ARHGAP35: variants seen among roughly 807,000 people sequenced by gnomAD.
The protein encoded by ARHGAP35 is Rho GTPase activating protein 35, also known as rho GTPase-activating protein 35.
A neutral mutation model predicts 111.1 loss-of-function variants in ARHGAP35; 15 were observed. That is an observed-to-expected ratio of 0.13 (90% confidence interval 0.09 to 0.21). ARHGAP35 has a LOEUF of 0.21. Ranked by LOEUF, ARHGAP35 falls within the 10% of genes least tolerant of loss-of-function variation. The pLI is 1.00. For synonymous variants in ARHGAP35, 643 were observed against 710.3 expected (o/e 0.91, Z 1.51); for missense variants, 1,262 against 1,873.0 (o/e 0.67, Z 6.02).
At chr19:46,905,979 T>G (rs2056105523) in intron 1 of ARHGAP35, among the ~76,000 whole-genome samples, 1 of 151,242 alleles carries the variant, frequency 6.6e-6, no homozygotes, top group African/African-American at 2.4e-5. Flanking sequence ...CCACCGTGCC[T>G]GGCCACATTT....
chr19:46,874,232 C>T (rs1284652648), intron 1 of ARHGAP35, among the ~76,000 whole-genome samples: 1 of 152,144 alleles, frequency 6.6e-6, no homozygotes, highest in African/African-American at 2.4e-5. Flanking sequence ...AAACATGCCT[C>T]TTCCTCTCTG....
intron 3 of ARHGAP35, among the ~76,000 whole-genome samples, chr19:46,966,825 G>A (rs948989444): frequency 3.3e-5 from 5 of 152,210 alleles, no homozygotes; most frequent in African/African-American, 9.6e-5. Flanking sequence ...ACATCAAAGA[G>A]AAAATTAATA....
At chr19:46,895,195 G>T (rs533962010) in intron 1 of ARHGAP35, among the ~76,000 whole-genome samples, 1 of 147,256 alleles carries the variant, frequency 6.8e-6, no homozygotes, top group South Asian at 2.1e-4. Context: ...ACGGAGTCTC[G>T]CTCTGTCACC....
intron 1 of ARHGAP35, among the ~76,000 whole-genome samples, chr19:46,910,118 T>G (rs1457814742): frequency 6.6e-6 from 1 of 151,912 alleles, no homozygotes; most frequent in Admixed American, 6.6e-5. Context: ...GGTAAAAGAT[T>G]ATTATTATTA....
At chr19:46,948,388 A>T (rs921332862) in intron 3 of ARHGAP35, 2 of 152,264 alleles carry the variant, frequency 1.3e-5, no homozygotes, top group Non-Finnish European at 2.9e-5. Flanking sequence ...AAGGAAAAAA[A>T]GCTAAACATA....
intron 1 of ARHGAP35, among the ~76,000 whole-genome samples, chr19:46,889,991 A>T (rs778289841): frequency 3.2e-4 from 48 of 152,220 alleles, no homozygotes; most frequent in Non-Finnish European, 6.2e-4. Context: ...TGATGCTTTC[A>T]GAATGAGTAT....
rs1441599914 is a variant in ARHGAP35, at chr19:46,986,651, T to C, written c.3827-1338T>C. Among the ~76,000 whole-genome samples the C allele has an allele frequency of 1.3e-5, 2 of 152,186 alleles. No individual in the cohort carries two copies. The highest frequency in any genetic ancestry group is 3.8e-4 in the East Asian group (2 of 5,206). On this transcript the variant is annotated intron_variant, in intron 3 of 6. Transcript: ENST00000672722. This position sits in a 1 kb window ranked among gnomAD's most constrained non-coding sequence, Gnocchi z 4.3. ...AACAAAAAGGAAAAATGTAAACATATATAACGTTGATATAATTACTTAATA... is the reference window on the plus strand; with the variant it reads ...AACAAAAAGGAAAAATGTAAACATACATAACGTTGATATAATTACTTAATA...
At chr19:46,964,671 A>C (rs2056502855) in intron 3 of ARHGAP35, among the ~76,000 whole-genome samples, 2 of 152,206 alleles carry the variant, frequency 1.3e-5, no homozygotes, top group Non-Finnish European at 2.9e-5. Context: ...TGAATGTGGG[A>C]TAATATTTGC....
chr19:46,894,910 A>C (rs568669671), intron 1 of ARHGAP35, among the ~76,000 whole-genome samples: 2 of 152,266 alleles, frequency 1.3e-5, no homozygotes, highest in Middle Eastern at 6.8e-3. Flanking sequence ...ATTCCTTTAA[A>C]TTTGAGACTG....
chr19:46,920,079 G>A lies in ARHGAP35; in HGVS notation c.1404G>A (p.Leu468=). Residue 468 remains leucine (L), a synonymous_variant, in exon 2 of 7, where the codon CTG becomes CTA. Coordinates refer to ENST00000672722, the MANE Select transcript of ARHGAP35 (RefSeq NM_004491.5). This position sits in a 1 kb window ranked among gnomAD's most constrained non-coding sequence, Gnocchi z 7.0. The stretch of plus-strand genomic sequence containing the variant: ...TGAATGAGGATTTCTACCAGTGGCT[G>A]GAGGAATCTGTATACATGGATATTT... ...FIMNEDFYQW[L]EESVYMDIYG... is the part of the protein sequence containing the mutation. 6.2e-7 allele frequency: 1 copy of A among 1,613,710 alleles called. No homozygotes were observed. Among genetic ancestry groups the A allele is most frequent in the Non-Finnish European group, 8.5e-7 (1 of 1,179,812 alleles).
At chr19:46,930,385 C>G (rs181889316) in intron 2 of ARHGAP35, among the ~76,000 whole-genome samples, 35 of 149,828 alleles carry the variant, frequency 2.3e-4, no homozygotes, top group African/African-American at 8.1e-4. Flanking sequence ...AAACCGAGTT[C>G]CGATGCCTGG....
intron 1 of ARHGAP35, among the ~76,000 whole-genome samples, chr19:46,883,659 A>G (rs1484350067): frequency 1.3e-5 from 2 of 152,210 alleles, no homozygotes; most frequent in Non-Finnish European, 2.9e-5. Context: ...CTGTTGGAAA[A>G]ATGATGCTGA....
At chr19:46,970,548 T>A (rs2056540714) in intron 3 of ARHGAP35, among the ~76,000 whole-genome samples, 2 of 152,106 alleles carry the variant, frequency 1.3e-5, no homozygotes, top group African/African-American at 2.4e-5. Context: ...ACTTGCCCTG[T>A]GGATGGTGCA....
intron 1 of ARHGAP35, among the ~76,000 whole-genome samples, chr19:46,877,960 G>A (rs1423975105): frequency 1.3e-5 from 2 of 151,846 alleles, no homozygotes; most frequent in East Asian, 1.9e-4. Flanking sequence ...CACCTGCCTC[G>A]GCCTCCCAAA....
At chr19:46,873,130 G>T (rs1203118600) in intron 1 of ARHGAP35, among the ~76,000 whole-genome samples, 1 of 152,060 alleles carries the variant, frequency 6.6e-6, no homozygotes, top group African/African-American at 2.4e-5. Flanking sequence ...TTCTCTGGCC[G>T]ACTTTACAGT....
chr19:46,897,447 C>CTT lies in ARHGAP35; in HGVS notation c.-188-21027_-188-21026dup, dbSNP rs397749963. Reference sequence around the variant, plus strand: ...CTTGAAGGTAGTGGGTTTATTTTGTCTTTTTTTTTTTTTTTACGACCTCCA... The same window carrying CTT: ...CTTGAAGGTAGTGGGTTTATTTTGTCTTTTTTTTTTTTTTTTTACGACCTCCA... On this transcript the variant is annotated intron_variant, in intron 1 of 6. Transcript: ENST00000672722. Among the ~76,000 whole-genome samples the CTT allele has an allele frequency of 5.2e-4, 70 of 135,096 alleles. No homozygotes were observed. The East Asian group carries it at 6.5e-3, about 13-fold the overall frequency. The allele number at this position is 135,096 out of a possible 152,430, so 88.6% of individuals were successfully genotyped here.
At position 46,992,680 on chromosome 19, in the gene ARHGAP35, T is replaced by C. The variant is rs889387115; in HGVS notation, c.4036+3005T>C. On this transcript the variant is annotated intron_variant, in intron 5 of 6. Transcript: ENST00000672722. This position sits in a 1 kb window ranked among gnomAD's most constrained non-coding sequence, Gnocchi z 4.4. The stretch of plus-strand genomic sequence containing the variant: ...GGGTCAGGACCAAAGGACCTGTGGC[T>C]CCAGGGTCCGCATTAACTCCCTGTA... 4.6e-5 allele frequency among the ~76,000 whole-genome samples: 7 copies of C among 152,190 alleles called. No homozygotes were observed. The highest frequency in any genetic ancestry group is 1.7e-4 in the African/African-American group (7 of 41,450).
intron 3 of ARHGAP35, among the ~76,000 whole-genome samples, chr19:46,944,539 G>A (rs572586403): frequency 2.6e-5 from 4 of 152,190 alleles, no homozygotes; most frequent in African/African-American, 7.2e-5. Context: ...TATCTTGGGC[G>A]TCACTTCTGA....
intron 3 of ARHGAP35, among the ~76,000 whole-genome samples, chr19:46,943,010 AGTCC>A (rs1268607419): frequency 6.6e-6 from 1 of 151,230 alleles, no homozygotes; most frequent in Non-Finnish European, 1.5e-5. Flanking sequence ...CGTCCAGAAC[AGTCC>A]TCTCTGGCTT....
Sources: gnomAD v4.1 joint callset for allele counts (sites outside exome capture counted in the v4.1 genomes callset) on GRCh38, gnomAD v4.1.1 for gene constraint, Gnocchi (gnomAD v3.1) non-coding constraint, MANE v1.5 for transcripts, NCBI Gene and HGNC (gene_info 2026-07-23, HGNC 2026-07-21) for gene names.